Variants in DGKB observed in about 807,000 individuals in gnomAD.
The protein encoded by DGKB is 90 kDa diacylglycerol kinase.
DGKB carries 67 observed loss-of-function variants against 114.3 expected under a neutral mutation model. The ratio of observed to expected loss-of-function variants is 0.59; its 90% CI spans 0.48 to 0.72. DGKB has a LOEUF of 0.72. DGKB is among the 30% of genes least tolerant of loss of function. DGKB has a pLI of 0.00. For missense variants in DGKB, 907 were observed against 975.2 expected (o/e 0.93, Z 0.93); for synonymous variants, 398 against 323.1 (o/e 1.23, Z -2.49).
chr7:14,263,288 T>C (rs1780619792), intron 23 of DGKB, among the ~76,000 whole-genome samples: 4 of 152,196 alleles, frequency 2.6e-5, no homozygotes, highest in Admixed American at 2.6e-4. Context: ...TACAGTTTCC[T>C]TTCAGGCTAG....
intron 13 of DGKB, among the ~76,000 whole-genome samples, chr7:14,639,145 TG>T (rs374357019): frequency 2.6e-5 from 4 of 152,212 alleles, no homozygotes; most frequent in South Asian, 4.1e-4. Context: ...CATGCAAACA[TG>T]GTAGCTGTAG....
At position 14,942,858 on chromosome 7, in the gene DGKB, C is replaced by T. The variant is rs1562892424; in HGVS notation, c.-188+31838G>A. On this transcript the variant is annotated intron_variant, in intron 1 of 4. Coordinates refer to the DGKB transcript ENST00000437998. ...TGCATTTCACTTGCAATCTTCATAT[C>T]ATGAATTATTTTATTTTCATAGCAC... Among the ~76,000 whole-genome samples the T allele has an allele frequency of 2.0e-5, 3 of 152,118 alleles. No individual in the cohort carries two copies. The East Asian group carries it at 5.8e-4, about 29-fold the overall frequency.
At chr7:14,381,244 G>T (rs1420645890) in intron 21 of DGKB, among the ~76,000 whole-genome samples, 1 of 152,118 alleles carries the variant, frequency 6.6e-6, no homozygotes, top group African/African-American at 2.4e-5. Context: ...GTAGGTCAGG[G>T]TGATTTAAAA....
intron 21 of DGKB, among the ~76,000 whole-genome samples, chr7:14,476,408 C>A (rs1184215352): frequency 6.6e-6 from 1 of 151,882 alleles, no homozygotes; most frequent in Non-Finnish European, 1.5e-5. Flanking sequence ...ACAAAGGCAA[C>A]TTATAGTGCA....
intron 21 of DGKB, among the ~76,000 whole-genome samples, chr7:14,455,851 C>T (rs758181858): frequency 1.3e-4 from 20 of 151,900 alleles, no homozygotes; most frequent in Non-Finnish European, 2.5e-4. Context: ...TTTAAGACAA[C>T]GGGCTAAAAT....
At chr7:14,462,688 T>C (rs1487279767) in intron 21 of DGKB, among the ~76,000 whole-genome samples, 1 of 152,174 alleles carries the variant, frequency 6.6e-6, no homozygotes, top group Non-Finnish European at 1.5e-5. Flanking sequence ...AGAGATTCAA[T>C]GCTATCCCCA....
intron 1 of DGKB, among the ~76,000 whole-genome samples, chr7:14,933,369 C>G (rs1284101586): frequency 6.6e-6 from 1 of 152,172 alleles, no homozygotes; most frequent in African/African-American, 2.4e-5. Flanking sequence ...CAGTTCCTCT[C>G]TTAAATCTGA....
intron 20 of DGKB, among the ~76,000 whole-genome samples, chr7:14,559,037 G>A (rs2128665114): frequency 6.6e-6 from 1 of 152,242 alleles, no homozygotes; most frequent in Admixed American, 6.5e-5. Flanking sequence ...ATATTCCCCT[G>A]GGAAAGCCCA....
At position 14,685,281 on chromosome 7, in the gene DGKB, G is replaced by C; in HGVS notation, c.793C>G (p.Leu265Val). 6.2e-7 allele frequency: 1 copy of C among 1,613,720 alleles called. No individual in the cohort carries two copies. The highest frequency in any genetic ancestry group is 8.5e-7 in the Non-Finnish European group (1 of 1,179,672). The change falls in exon 10 of 26, where the codon CTG (leucine) becomes GTG (valine). Residue 265 changes from leucine (L) to valine (V), a missense_variant. Coordinates refer to ENST00000402815, the MANE Select transcript of DGKB (RefSeq NM_001350709.2). ...PAYCNLCLNMLIGVGKQGLCC... is the reference protein window; with the variant it reads ...PAYCNLCLNMVIGVGKQGLCC... ...AGGCCCTGCTTCCCCACGCCAATCA[G>C]CATGTTCAGGCAAAGGTTGCAATAG...
At chr7:14,581,816 C>G (rs1283318467) in intron 18 of DGKB, among the ~76,000 whole-genome samples, 3 of 152,146 alleles carry the variant, frequency 2.0e-5, no homozygotes, top group Non-Finnish European at 4.4e-5. Flanking sequence ...TGTTTTTCCT[C>G]TAAAATCCTT....
intron 1 of DGKB, among the ~76,000 whole-genome samples, chr7:14,888,918 C>G (rs898500700): frequency 6.6e-6 from 1 of 151,620 alleles, no homozygotes; most frequent in African/African-American, 2.4e-5. Context: ...TTTGAAAACT[C>G]TTAGCTGGAC....
rs144954795 is a variant in DGKB at position 14,641,115 on chromosome 7, A to C, written c.1135-10847T>G. On this transcript the variant is annotated intron_variant, in intron 13 of 25. Transcript: ENST00000402815. The stretch of plus-strand genomic sequence containing the variant: ...TTAGTTTCACCAGTGTTTAATGAGA[A>C]TAGCAAATTTTGCACATTCTTGCCA... Among the ~76,000 whole-genome samples, 414 of 152,278 alleles carry C rather than the reference A, an allele frequency of 2.7e-3. 2 individuals are homozygous for C. Among genetic ancestry groups the C allele is most frequent in the Admixed American group, 4.4e-3 (68 of 15,286 alleles).
chr7:14,202,169 T>C (rs145591552), intron 23 of DGKB, among the ~76,000 whole-genome samples: 8 of 152,202 alleles, frequency 5.3e-5, no homozygotes, highest in East Asian at 3.9e-4. Flanking sequence ...TTTTTTATGA[T>C]TTAATGTACT....
chr7:14,363,332 G>C (rs1816079832), intron 21 of DGKB, among the ~76,000 whole-genome samples: 1 of 152,050 alleles, frequency 6.6e-6, no homozygotes, highest in Non-Finnish European at 1.5e-5. Context: ...TTTGCCTATA[G>C]TCTCTATCAT....
intron 17 of DGKB, 127 bp downstream of exon 17, chr7:14,607,304 TTGA>T: frequency 1.7e-6 from 1 of 587,760 alleles, no homozygotes; most frequent in South Asian, 2.0e-5. Flanking sequence ...TCTTACGTAG[TTGA>T]TATTTCATTT....
chr7:14,705,953 T>A (rs559603232), intron 6 of DGKB, among the ~76,000 whole-genome samples: 271 of 151,474 alleles, frequency 1.8e-3, no homozygotes, highest in African/African-American at 5.9e-3. Flanking sequence ...AGGATCAAAT[T>A]CACACATAAC....
intron 2 of DGKB, among the ~76,000 whole-genome samples, chr7:14,810,145 T>C (rs1420489846): frequency 2.0e-5 from 3 of 152,216 alleles, no homozygotes; most frequent in East Asian, 3.8e-4. Flanking sequence ...TATTTGGGAA[T>C]TGGCCTGAAA....
At chr7:14,627,950 C>CA (rs56827397) in intron 14 of DGKB, among the ~76,000 whole-genome samples, 4,078 of 93,538 alleles carry the variant, frequency 0.044, 174 homozygotes, top group African/African-American at 0.12. Context: ...CTCAAAAAAA[C>CA]AAAAAAAAAA....
At chr7:14,832,048 T>C (rs1444012240) in intron 2 of DGKB, among the ~76,000 whole-genome samples, 1 of 152,016 alleles carries the variant, frequency 6.6e-6, no homozygotes, top group African/African-American at 2.4e-5. Context: ...AAAGCAATAA[T>C]TAACTTACAT....
Sources: allele counts gnomAD v4.1 joint callset (sites outside exome capture counted in the v4.1 genomes callset), GRCh38; gene constraint gnomAD v4.1.1; transcripts MANE v1.5; gene names NCBI Gene and HGNC (gene_info 2026-07-23, HGNC 2026-07-21).